The following SYTL3 variants were observed in gnomAD, a reference collection of about 807,000 sequenced individuals.
SYTL3 encodes the protein synaptotagmin like 3, also known as synaptotagmin-like protein 3.
Under a neutral mutation model 82.1 loss-of-function variants are expected in SYTL3, and 88 were observed. That is an observed-to-expected ratio of 1.07 (90% confidence interval 0.90 to 1.28). The LOEUF is 1.28. SYTL3 is among the 50% of genes most tolerant of loss of function. The pLI is 0.00. For synonymous variants in SYTL3, 311 were observed against 289.4 expected, an observed-to-expected ratio of 1.07 and a Z score of -0.76; for missense variants, 831 against 757.6, an observed-to-expected ratio of 1.10 and a Z score of -1.14.
chr6:158,713,323 G>A (rs771273790), intron 8 of SYTL3, among the ~76,000 whole-genome samples: 6 of 152,026 alleles, frequency 3.9e-5, no homozygotes, highest in Non-Finnish European at 5.9e-5. Context: ...TTCTGCTTTG[G>A]GAAGTGGAGC....
chr6:158,667,063 T>G (rs317799), intron 5 of SYTL3, among the ~76,000 whole-genome samples: 107,783 of 152,168 alleles, frequency 0.71, 39,493 homozygotes, highest in African/African-American at 0.9. Context: ...AAGGTCTCAG[T>G]ATCTTCTTCC....
intron 8 of SYTL3, among the ~76,000 whole-genome samples, chr6:158,708,773 G>T (rs970482343): frequency 6.6e-6 from 1 of 152,122 alleles, no homozygotes; most frequent in African/African-American, 2.4e-5. Context: ...TTGAGTGTTT[G>T]CAGGCTCTGA....
Position 158,687,521 on chromosome 6 carries a change from C to T in SYTL3, c.394+4532C>T, listed in dbSNP as rs118187703. On this transcript the variant is annotated intron_variant, in intron 6 of 17. Transcript: ENST00000611299. ...TCTGAATATCAGGAAGCAAGAATCA[C>T]TGGGACCGTCTGTGTGCTACCAAAT... Among the ~76,000 whole-genome samples, 87 of 152,360 alleles carry T rather than the reference C, an allele frequency of 5.7e-4. No homozygotes were observed. The East Asian group carries it at 0.013, about 23-fold the overall frequency.
intron 12 of SYTL3, among the ~76,000 whole-genome samples, chr6:158,746,521 G>A (rs1236427098): frequency 7.4e-5 from 11 of 148,470 alleles, no homozygotes; most frequent in South Asian, 2.1e-4. Context: ...ACTGGAGTGC[G>A]GTGGCGCAAT....
rs1790085760 is a variant in SYTL3, at chr6:158,762,320, A to G, written c.1517+142A>G. The G allele has an allele frequency of 9.8e-6, 6 of 614,998 alleles. No individual in the cohort carries two copies. In the East Asian group the frequency reaches 1.7e-4, roughly 18 times the overall value. The allele number at this position is 614,998 out of a possible 1,614,324, so 38.1% of individuals were successfully genotyped here. A position where few individuals can be genotyped will look rare whatever the true frequency, so the allele number is the denominator to read the frequency against. ...TTCCTATGAAAATCTAACAACACAT[A>G]TTAAAGACCCTGATTTCCAAAAATT... On this transcript the variant is annotated intron_variant, in intron 16 of 17. Coordinates refer to ENST00000611299, the MANE Select transcript of SYTL3 (RefSeq NM_001242394.2).
upstream of SYTL3, among the ~76,000 whole-genome samples, chr6:158,647,868 C>G (rs1787585820): frequency 6.6e-6 from 1 of 152,250 alleles, no homozygotes; most frequent in Admixed American, 6.5e-5. Flanking sequence ...CGTGCAATCA[C>G]CTTTCTTTTC....
In SYTL3 at chr6:158,753,952, ATC is replaced by A. The variant is rs1213716644; in HGVS notation, c.1137+1923_1137+1924del. On this transcript the variant is annotated intron_variant, in intron 13 of 17. Coordinates refer to ENST00000611299, the MANE Select transcript of SYTL3 (RefSeq NM_001242394.2). The stretch of plus-strand genomic sequence containing the variant: ...AAATAACCCAACACCGGCCAGCCTC[ATC>A]CTTAATAGAAATATGCATAAGATGC... Among the ~76,000 whole-genome samples the A allele has an allele frequency of 1.9e-4, 29 of 152,178 alleles. 1 individual carries two copies. In the East Asian group the frequency reaches 1.9e-3, roughly 10 times the overall value.
chr6:158,722,562 G>A (rs949960446), intron 10 of SYTL3, among the ~76,000 whole-genome samples: 6 of 152,178 alleles, frequency 3.9e-5, no homozygotes, highest in African/African-American at 1.2e-4. Flanking sequence ...TCTTCAAGAA[G>A]TGAATTCTTA....
chr6:158,713,355 C>T (rs971261572), intron 8 of SYTL3, among the ~76,000 whole-genome samples: 12 of 152,186 alleles, frequency 7.9e-5, no homozygotes, highest in Admixed American at 2.6e-4. Context: ...TGCCTGGTCA[C>T]CTTGTGGCTT....
Position 158,763,519 on chromosome 6 carries a change from A to C in SYTL3, c.1723+10A>C. ...ACCAGACTTGGTTCAAGTAAGTCTG[A>C]GACATTGAGCCCAAACGTTTATACT... On this transcript the variant is annotated intron_variant, in intron 17 of 17. Coordinates refer to ENST00000611299, the MANE Select transcript of SYTL3 (RefSeq NM_001242394.2). 1 of 1,610,864 alleles carries C rather than the reference A, an allele frequency of 6.2e-7. No homozygotes were observed. Among genetic ancestry groups the C allele is most frequent in the East Asian group, 2.2e-5 (1 of 44,868 alleles).
rs1784610921 is a variant in SYTL3, at chr6:158,725,505, G to A, written c.723G>A (p.Lys241=). ...AATTTCTGTTTTTCCTTCTCCAGAAGGTCAGTGCACCAGATATTCTGAAAC... is the reference window on the plus strand; with the variant it reads ...AATTTCTGTTTTTCCTTCTCCAGAAAGTCAGTGCACCAGATATTCTGAAAC... The part of the protein sequence containing the change: ...SDTAVNVTTR[K]VSAPDILKPL... The change falls in exon 11 of 18, where the codon AAG becomes AAA. Residue 241 remains lysine, a splice_region_variant and synonymous_variant. Transcript: ENST00000611299. The A allele has an allele frequency of 2.0e-5, 32 of 1,613,372 alleles. No homozygotes were observed. The East Asian group carries it at 7.1e-4, about 36-fold the overall frequency.
In SYTL3 at chr6:158,718,126, A is replaced by T. The variant is rs751194317; in HGVS notation, c.635A>T (p.His212Leu). The change falls in exon 10 of 18, where the codon CAT becomes CTT. Residue 212 changes from histidine to leucine, a missense_variant. Transcript: ENST00000611299. The part of the protein sequence containing the change: ...KSQNDMTSEK[H>L]LLATGPRQCV... ...CAGAATGATATGACTTCTGAGAAGC[A>T]TCTTCTCGCCACGGGCCCCAGGCAG... 2.6e-6 allele frequency: 4 copies of T among 1,546,740 alleles called. No individual in the cohort carries two copies. In the South Asian group the frequency reaches 3.6e-5, roughly 14 times the overall value.
At chr6:158,694,897 A>ACT (rs1237517657) in intron 6 of SYTL3, among the ~76,000 whole-genome samples, 1 of 151,542 alleles carries the variant, frequency 6.6e-6, no homozygotes, top group African/African-American at 2.4e-5. Flanking sequence ...TGTCACGACT[A>ACT]CTCCACTACT....
At chr6:158,682,354 A>ATTTTTT (rs1300131748) in intron 5 of SYTL3, among the ~76,000 whole-genome samples, 1 of 104,082 alleles carries the variant, frequency 9.6e-6, no homozygotes, top group African/African-American at 5.0e-5. Context: ...CTTAACATTC[A>ATTTTTT]CTTTTTTTTT....
At chr6:158,744,432 G>A (rs1787359592) in intron 11 of SYTL3, among the ~76,000 whole-genome samples, 1 of 150,940 alleles carries the variant, frequency 6.6e-6, no homozygotes, top group Non-Finnish European at 1.5e-5. Flanking sequence ...TCAGCCTCCG[G>A]AGTAGCTGGG....
rs147269739 is a variant in SYTL3, at chr6:158,666,834, A to G, written c.329+1221A>G. 2.6e-3 allele frequency among the ~76,000 whole-genome samples: 399 copies of G among 152,344 alleles called. 8 individuals carry two copies. The highest frequency in any genetic ancestry group is 0.025 in the Admixed American group (375 of 15,292). On this transcript the variant is annotated intron_variant, in intron 5 of 17. Coordinates refer to ENST00000611299, the MANE Select transcript of SYTL3 (RefSeq NM_001242394.2). The stretch of plus-strand genomic sequence containing the variant: ...TTCAGTCATCTAGCCAGAGAGGTGA[A>G]GTGGTTCAACCTGATTTCTTTGCTC...
intron 5 of SYTL3, among the ~76,000 whole-genome samples, chr6:158,679,611 T>C (rs1778431974): frequency 6.6e-6 from 1 of 152,194 alleles, no homozygotes; most frequent in Non-Finnish European, 1.5e-5. Context: ...CAAGAGATCC[T>C]CGAGTTTATG....
chr6:158,718,851 T>C (rs1443793747), intron 10 of SYTL3, among the ~76,000 whole-genome samples: 2 of 152,212 alleles, frequency 1.3e-5, no homozygotes, highest in Non-Finnish European at 2.9e-5. Context: ...CACCAGCTGT[T>C]GCTTGCAGTG....
intron 11 of SYTL3, among the ~76,000 whole-genome samples, chr6:158,741,348 C>T (rs1786901355): frequency 1.3e-5 from 2 of 152,196 alleles, no homozygotes; most frequent in East Asian, 1.9e-4. Context: ...GGACTACAAG[C>T]GTGAGCCACC....
Sources: gnomAD v4.1 joint callset for allele counts (sites outside exome capture counted in the v4.1 genomes callset) on GRCh38, gnomAD v4.1.1 for gene constraint, MANE v1.5 for transcripts, NCBI Gene and HGNC (gene_info 2026-07-23, HGNC 2026-07-21) for gene names.